The following RARB variants were observed in gnomAD, a reference collection of about 807,000 sequenced individuals.
The protein encoded by RARB is HBV-activated protein.
RARB carries 17 observed loss-of-function variants against 51.9 expected under a neutral mutation model. The observed-to-expected ratio is 0.33, with a 90% CI of 0.22 to 0.49. The LOEUF is 0.49. RARB is among the 20% of genes least tolerant of loss of function. The probability of loss-of-function intolerance (pLI) is 0.99; values close to 1 mark genes in which losing one functional copy is unlikely to be tolerated. For synonymous variants in RARB, 215 were observed against 195.4 expected, an observed-to-expected ratio of 1.10 and a Z score of -0.84; for missense variants, 369 against 550.8, an observed-to-expected ratio of 0.67 and a Z score of 3.30.
At chr3:24,839,525 C>A (rs112544200) in intron 1 of RARB, among the ~76,000 whole-genome samples, 5,404 of 135,294 alleles carry the variant, frequency 0.04, 359 homozygotes, top group African/African-American at 0.15. Context: ...CACAGAGAAA[C>A]CCTGTCTCTG....
intron 3 of RARB, among the ~76,000 whole-genome samples, chr3:25,517,716 A>G (rs1031670186): frequency 1.3e-5 from 2 of 152,248 alleles, no homozygotes; most frequent in African/African-American, 2.4e-5. Context: ...AGCATTATTC[A>G]TAATAGCAAA....
At chr3:25,489,685 G>A (rs1459131607) in intron 2 of RARB, among the ~76,000 whole-genome samples, 2 of 152,350 alleles carry the variant, frequency 1.3e-5, no homozygotes, top group Admixed American at 6.5e-5. Context: ...CCTCTTGGGG[G>A]CTGTATTTTG....
intron 5 of RARB, among the ~76,000 whole-genome samples, chr3:25,375,180 C>A (rs532641037): frequency 6.6e-6 from 1 of 152,156 alleles, no homozygotes; most frequent in Non-Finnish European, 1.5e-5. Context: ...CAGCATATTC[C>A]ACCTTTCAAA....
chr3:25,351,423 C>T lies in RARB; in HGVS notation c.179-109770C>T, dbSNP rs562643419. 1.4e-4 allele frequency among the ~76,000 whole-genome samples: 21 copies of T among 152,228 alleles called. No individual in the cohort carries two copies. The South Asian group carries it at 3.7e-3, about 27-fold the overall frequency. ...GATTGTTTATCGATCACAGAAAAAT[C>T]GGATTTTCTTAATGAATATTATGTG... On this transcript the variant is annotated intron_variant, in intron 5 of 11. Transcript: ENST00000383772.
chr3:25,039,648 G>A (rs1364299762), intron 2 of RARB, among the ~76,000 whole-genome samples: 4 of 152,160 alleles, frequency 2.6e-5, no homozygotes, highest in East Asian at 3.9e-4. Flanking sequence ...GGGGATGAAA[G>A]TTGAGATCTA....
At chr3:25,323,614 T>A (rs2125440762) in intron 5 of RARB, among the ~76,000 whole-genome samples, 1 of 152,346 alleles carries the variant, frequency 6.6e-6, no homozygotes, top group East Asian at 1.9e-4. Context: ...ATTTCATCCA[T>A]TTTGATATGA....
intron 5 of RARB, among the ~76,000 whole-genome samples, chr3:25,244,868 G>T (rs1041846339): frequency 3.9e-5 from 6 of 152,134 alleles, no homozygotes; most frequent in Admixed American, 2.6e-4. Context: ...AAATATCCTT[G>T]TTAATTTTCT....
chr3:25,534,233 C>T (rs1699044110), intron 3 of RARB, among the ~76,000 whole-genome samples: 1 of 152,178 alleles, frequency 6.6e-6, no homozygotes, highest in Admixed American at 6.5e-5. Context: ...GAGCAAATAA[C>T]CAAGAGCATT....
At chr3:24,991,327 C>T (rs1189685034) in intron 2 of RARB, among the ~76,000 whole-genome samples, 1 of 151,988 alleles carries the variant, frequency 6.6e-6, no homozygotes, top group East Asian at 1.9e-4. Flanking sequence ...CCGGTAGTCC[C>T]AGCTACTGGG....
chr3:25,328,917 C>T (rs903677783), intron 5 of RARB, among the ~76,000 whole-genome samples: 12 of 152,154 alleles, frequency 7.9e-5, no homozygotes, highest in Admixed American at 3.3e-4. Flanking sequence ...CACAGAGCCT[C>T]GCTCACTGCT....
At chr3:24,901,900 T>C (rs1703614912) in intron 2 of RARB, among the ~76,000 whole-genome samples, 1 of 152,058 alleles carries the variant, frequency 6.6e-6, no homozygotes, top group Non-Finnish European at 1.5e-5. Flanking sequence ...TTAATAATAA[T>C]AAGTTGGTGC....
At chr3:25,158,559 T>C (rs1438617178) in intron 4 of RARB, among the ~76,000 whole-genome samples, 3 of 152,200 alleles carry the variant, frequency 2.0e-5, no homozygotes, top group Non-Finnish European at 4.4e-5. Context: ...TTCCTTAAGA[T>C]ATATTTGCTT....
intron 4 of RARB, among the ~76,000 whole-genome samples, chr3:25,155,669 G>A (rs1324323949): frequency 6.6e-6 from 1 of 152,134 alleles, no homozygotes; most frequent in Admixed American, 6.5e-5. Flanking sequence ...AAAGCTTTAT[G>A]ATCTCTCAGC....
chr3:25,091,639 A>G (rs1366500422), intron 3 of RARB, among the ~76,000 whole-genome samples: 1 of 152,180 alleles, frequency 6.6e-6, no homozygotes, highest in East Asian at 1.9e-4. Flanking sequence ...GCAGCTAAGT[A>G]TGACTGGAAT....
At chr3:24,996,892 A>G (rs1237471671) in intron 2 of RARB, among the ~76,000 whole-genome samples, 1 of 152,128 alleles carries the variant, frequency 6.6e-6, no homozygotes, top group East Asian at 1.9e-4. Flanking sequence ...CCAGTCCTGG[A>G]GAATATTCCA....
Position 25,260,000 on chromosome 3 carries a change from G to C in RARB, c.178+85425G>C. ...CTCAGCCAGCCTTTTACTCTCCTCA[G>C]TTTGTTTTTGAAACGTTTTTCCCCT... On this transcript the variant is annotated intron_variant, in intron 5 of 11. Coordinates refer to the RARB transcript ENST00000383772. 5 of 985,284 alleles carry C rather than the reference G, an allele frequency of 5.1e-6. No homozygotes were observed. The South Asian group carries it at 2.3e-4, about 46-fold the overall frequency. 61.0% of individuals were successfully genotyped at this position (985,284 alleles called of 1,614,324 possible). A position where few individuals can be genotyped will look rare whatever the true frequency, so the allele number is the denominator to read the frequency against.
At chr3:24,883,250 A>T (rs1038004987) in intron 2 of RARB, among the ~76,000 whole-genome samples, 3 of 152,154 alleles carry the variant, frequency 2.0e-5, no homozygotes, top group African/African-American at 7.2e-5. Flanking sequence ...TTTTAGAGTC[A>T]TTGATCTCTA....
chr3:24,836,628 CCT>C (rs991127041), intron 1 of RARB, among the ~76,000 whole-genome samples: 23 of 152,250 alleles, frequency 1.5e-4, no homozygotes, highest in African/African-American at 5.5e-4. Flanking sequence ...TGATCTGGCC[CCT>C]GTTATCTCTC....
intron 3 of RARB, among the ~76,000 whole-genome samples, chr3:25,542,494 G>A (rs962364391): frequency 6.6e-6 from 1 of 152,152 alleles, no homozygotes; most frequent in African/African-American, 2.4e-5. Flanking sequence ...CAACCAAACT[G>A]TCTAGGGTCC....
Sources: allele counts gnomAD v4.1 joint callset (sites outside exome capture counted in the v4.1 genomes callset), GRCh38; gene constraint gnomAD v4.1.1; transcripts MANE v1.5; gene names NCBI Gene and HGNC (gene_info 2026-07-23, HGNC 2026-07-21).